The following LRRC4C variants were observed in gnomAD, a reference collection of about 807,000 sequenced individuals.
The protein encoded by LRRC4C is leucine rich repeat containing 4C.
A neutral mutation model predicts 33.6 loss-of-function variants in LRRC4C; 5 were observed. The observed-to-expected ratio is 0.15, with a 90% CI of 0.08 to 0.31. The LOEUF (loss-of-function observed/expected upper bound fraction) is 0.31, where lower values mean the gene tolerates loss of function less well. Ranked by LOEUF, LRRC4C falls within the 10% of genes least tolerant of loss-of-function variation. LRRC4C has a pLI of 1.00. For synonymous variants in LRRC4C, 329 were observed against 302.0 expected, an observed-to-expected ratio of 1.09 and a Z score of -0.93; for missense variants, 560 against 796.7, an observed-to-expected ratio of 0.70 and a Z score of 3.58.
intron 1 of LRRC4C, among the ~76,000 whole-genome samples, chr11:40,970,475 A>G (rs2136981372): frequency 6.6e-6 from 1 of 152,282 alleles, no homozygotes; most frequent in East Asian, 1.9e-4. Flanking sequence ...AGCCTGAAGA[A>G]CCATGAGCCA....
intron 1 of LRRC4C, among the ~76,000 whole-genome samples, chr11:41,084,264 G>T (rs1038219396): frequency 5.3e-5 from 8 of 152,124 alleles, no homozygotes; most frequent in Non-Finnish European, 1.5e-5. Context: ...GAGAGAGCTG[G>T]TTTCAAATGT....
At chr11:40,551,662 C>T (rs1179504227) in intron 3 of LRRC4C, among the ~76,000 whole-genome samples, 1 of 152,062 alleles carries the variant, frequency 6.6e-6, no homozygotes, top group Non-Finnish European at 1.5e-5. Flanking sequence ...TGTAAATTAC[C>T]ATTTAATTAA....
intron 2 of LRRC4C, among the ~76,000 whole-genome samples, chr11:40,891,280 A>G (rs1592007824): frequency 6.6e-6 from 1 of 152,038 alleles, no homozygotes; most frequent in Admixed American, 6.6e-5. Flanking sequence ...CAACAACAAC[A>G]ACGACAAACT....
chr11:40,378,669 G>T (rs1565329974), intron 3 of LRRC4C, among the ~76,000 whole-genome samples: 1 of 152,026 alleles, frequency 6.6e-6, no homozygotes, highest in Non-Finnish European at 1.5e-5. Context: ...CATCTTACTA[G>T]ATGTCAGGTT....
chr11:40,940,620 A>T (rs915472355), intron 1 of LRRC4C, among the ~76,000 whole-genome samples: 2 of 152,148 alleles, frequency 1.3e-5, no homozygotes, highest in Admixed American at 1.3e-4. Flanking sequence ...CAGATATCAA[A>T]TTATATTATT....
intron 5 of LRRC4C, among the ~76,000 whole-genome samples, chr11:40,164,551 G>A (rs1859427199): frequency 6.6e-6 from 1 of 152,086 alleles, no homozygotes; most frequent in South Asian, 2.1e-4. Context: ...CCTGTCATTT[G>A]CAGCAACATA....
intron 5 of LRRC4C, among the ~76,000 whole-genome samples, chr11:40,218,689 A>ATCT (rs1864170248): frequency 1.4e-5 from 2 of 147,486 alleles, no homozygotes; most frequent in South Asian, 2.2e-4. Context: ...AAGAATGATA[A>ATCT]AGAATCTATC....
At chr11:41,194,870 C>T (rs1024362829) in intron 1 of LRRC4C, among the ~76,000 whole-genome samples, 3 of 151,940 alleles carry the variant, frequency 2.0e-5, no homozygotes, top group Admixed American at 2.0e-4. Flanking sequence ...ATAAATAATA[C>T]CAGATATGGA....
intron 1 of LRRC4C, among the ~76,000 whole-genome samples, chr11:41,106,382 G>A (rs1429279774): frequency 6.6e-6 from 1 of 151,714 alleles, no homozygotes; most frequent in African/African-American, 2.4e-5. Flanking sequence ...TTGACATGAG[G>A]CACTGTGCTA....
chr11:40,442,183 AAAAAAG>A (rs1951429066), intron 3 of LRRC4C, among the ~76,000 whole-genome samples: 2 of 150,906 alleles, frequency 1.3e-5, no homozygotes, highest in African/African-American at 4.9e-5. Flanking sequence ...AAAAAAAAAA[AAAAAAG>A]ATCAACTGCC....
In LRRC4C at chr11:41,126,153, G is replaced by T. The variant is rs1480765130; in HGVS notation, c.-495-192430C>A. On this transcript the variant is annotated intron_variant, in intron 1 of 6. Transcript: ENST00000528697. ...ACCATGATACACATTTAACAAACCT[G>T]CAGGCCCTGCACATGTATCCCAGAA... is the stretch of plus-strand genomic sequence containing the variant. 2.0e-5 allele frequency among the ~76,000 whole-genome samples: 3 copies of T among 151,958 alleles called. No homozygotes were observed. In the East Asian group the frequency reaches 5.8e-4, roughly 29 times the overall value.
At chr11:40,327,220 A>G (rs1033616190) in intron 3 of LRRC4C, among the ~76,000 whole-genome samples, 3 of 152,208 alleles carry the variant, frequency 2.0e-5, no homozygotes, top group African/African-American at 7.2e-5. Context: ...GCCATGCAGA[A>G]ATCTGCCATT....
intron 5 of LRRC4C, among the ~76,000 whole-genome samples, chr11:40,234,096 C>T (rs1017213687): frequency 2.0e-5 from 3 of 152,170 alleles, no homozygotes; most frequent in Non-Finnish European, 4.4e-5. Flanking sequence ...CAAAATAAAG[C>T]TGTCTGATCT....
At chr11:40,807,350 C>T (rs1479442640) in intron 2 of LRRC4C, among the ~76,000 whole-genome samples, 1 of 152,164 alleles carries the variant, frequency 6.6e-6, no homozygotes, top group Non-Finnish European at 1.5e-5. Context: ...TATTGTCATC[C>T]CCAGACCCTG....
chr11:40,359,717 G>T (rs931630901), intron 3 of LRRC4C, among the ~76,000 whole-genome samples: 2 of 152,084 alleles, frequency 1.3e-5, no homozygotes, highest in African/African-American at 4.8e-5. Context: ...CTAACATAGC[G>T]CTAAAAGCTG....
chr11:40,545,797 T>A (rs1956888862), intron 3 of LRRC4C, among the ~76,000 whole-genome samples: 1 of 151,930 alleles, frequency 6.6e-6, no homozygotes, highest in African/African-American at 2.4e-5. Context: ...CAAAATTATG[T>A]CAAAAAAATA....
chr11:40,728,897 T>C (rs1362309046), intron 2 of LRRC4C, among the ~76,000 whole-genome samples: 1 of 145,782 alleles, frequency 6.9e-6, no homozygotes, highest in Non-Finnish European at 1.5e-5. Context: ...AACCAAATAG[T>C]GCATATTCCT....
At chr11:40,248,754 T>G (rs529028948) in intron 4 of LRRC4C, among the ~76,000 whole-genome samples, 1 of 152,300 alleles carries the variant, frequency 6.6e-6, no homozygotes, top group South Asian at 2.1e-4. Flanking sequence ...TGAAAAATAT[T>G]TGAGGTAATA....
intron 5 of LRRC4C, among the ~76,000 whole-genome samples, chr11:40,168,296 T>C (rs1180213605): frequency 6.6e-6 from 1 of 152,174 alleles, no homozygotes; most frequent in Non-Finnish European, 1.5e-5. Flanking sequence ...AGAAGCCATT[T>C]AGATTGGATT....
Sources: allele counts gnomAD v4.1 joint callset (sites outside exome capture counted in the v4.1 genomes callset), GRCh38; gene constraint gnomAD v4.1.1; transcripts MANE v1.5; gene names NCBI Gene and HGNC (gene_info 2026-07-23, HGNC 2026-07-21).